The following PPIL4 variants were observed in gnomAD, a reference collection of about 807,000 sequenced individuals.
The protein encoded by PPIL4 is peptidylprolyl isomerase like 4.
PPIL4 carries 50 observed loss-of-function variants against 69.1 expected under a neutral mutation model. The observed-to-expected ratio is 0.72, with a 90% CI of 0.58 to 0.92. The LOEUF (loss-of-function observed/expected upper bound fraction) is 0.92, where lower values mean the gene tolerates loss of function less well. Among genes scored for constraint, PPIL4 ranks in the 40% least tolerant of loss-of-function variants. The pLI, the probability that PPIL4 is intolerant of heterozygous loss-of-function variation, is 0.00. For synonymous variants in PPIL4, 193 were observed against 191.6 expected (o/e 1.01, Z -0.06); for missense variants, 480 against 587.9 (o/e 0.82, Z 1.90).
intron 7 of PPIL4, 57 bp downstream of exon 7, chr6:149,533,401 T>G: frequency 1.1e-6 from 1 of 921,138 alleles, no homozygotes; most frequent in Non-Finnish European, 1.7e-6. Flanking sequence ...AAATAAACAC[T>G]CAGTAAGTAT....
At position 149,520,863 on chromosome 6, in the gene PPIL4, A is replaced by G. The variant is rs530085410; in HGVS notation, c.982+197T>C. ...CCCCATCTCTACTAAAAATACAAAA[A>G]TTAGCTGGGCATGGTGGCACATGCT... On this transcript the variant is annotated intron_variant, in intron 10 of 12. Coordinates refer to ENST00000253329, the MANE Select transcript of PPIL4 (RefSeq NM_139126.4). Among the ~76,000 whole-genome samples, 8 of 152,148 alleles carry G rather than the reference A, an allele frequency of 5.3e-5. No homozygotes were observed. The East Asian group carries it at 1.5e-3, about 29-fold the overall frequency.
At chr6:149,537,869 G>A (rs1562262288) in intron 4 of PPIL4, among the ~76,000 whole-genome samples, 1 of 152,170 alleles carries the variant, frequency 6.6e-6, no homozygotes, top group Non-Finnish European at 1.5e-5. Flanking sequence ...AAATATGACT[G>A]CTCTTTTAAT....
chr6:149,540,882 G>T, intron 4 of PPIL4, 60 bp downstream of exon 4: 1 of 1,032,826 alleles, frequency 9.7e-7, no homozygotes. Context: ...AAATAACTCT[G>T]TGGGCTCCTT....
At chr6:149,539,003 C>G (rs888698038) in intron 4 of PPIL4, among the ~76,000 whole-genome samples, 1 of 152,224 alleles carries the variant, frequency 6.6e-6, no homozygotes, top group Non-Finnish European at 1.5e-5. Flanking sequence ...CCTGCCACCA[C>G]GCCGAGCTAA....
rs1583211281 is a variant in PPIL4, at chr6:149,534,779, C to T, written c.465-5G>A. 2.8e-6 allele frequency: 4 copies of T among 1,429,730 alleles called. No homozygotes were observed. The highest frequency in any genetic ancestry group is 1.4e-5 in the African/African-American group (1 of 70,110). The allele number at this position is 1,429,730 out of a possible 1,614,324, so 88.6% of individuals were successfully genotyped here. A position where few individuals can be genotyped will look rare whatever the true frequency, so the allele number is the denominator to read the frequency against. ...AAAATCACCGTATGATTTATCCTTA[C>T]AAAATAAATCCAAATCAAATGTTAT... is the stretch of plus-strand genomic sequence containing the variant. On this transcript the variant is annotated splice_region_variant and splice_polypyrimidine_tract_variant and intron_variant, in intron 5 of 12. Coordinates refer to ENST00000253329, the MANE Select transcript of PPIL4 (RefSeq NM_139126.4).
chr6:149,516,766 T>C (rs941732031), intron 11 of PPIL4, among the ~76,000 whole-genome samples: 1 of 152,280 alleles, frequency 6.6e-6, no homozygotes, highest in South Asian at 2.1e-4. Context: ...TAAATATTTG[T>C]TGTTGAAATT....
intron 7 of PPIL4, among the ~76,000 whole-genome samples, chr6:149,530,660 G>GA (rs147953629): frequency 3.8e-4 from 47 of 124,498 alleles, no homozygotes; most frequent in Admixed American, 5.8e-4. Flanking sequence ...CTCCATCTCG[G>GA]AAAAAAAAAA....
chr6:149,540,313 AAAGT>A (rs1377547186), intron 4 of PPIL4, among the ~76,000 whole-genome samples: 1 of 151,888 alleles, frequency 6.6e-6, no homozygotes, highest in Admixed American at 6.6e-5. Context: ...TGTTTTTAAA[AAAGT>A]AAGAAATACT....
chr6:149,530,110 C>T (rs1175737985), intron 7 of PPIL4, among the ~76,000 whole-genome samples: 1 of 152,008 alleles, frequency 6.6e-6, no homozygotes, highest in African/African-American at 2.4e-5. Context: ...ACCGAATGTA[C>T]AACACAAAGC....
In PPIL4 at chr6:149,526,660, T is replaced by C. The variant is rs1405579340; in HGVS notation, c.795A>G (p.Pro265=). The C allele has an allele frequency of 6.2e-7, 1 of 1,608,922 alleles. No homozygotes were observed. Among genetic ancestry groups the C allele is most frequent in the Admixed American group, 1.7e-5 (1 of 59,498 alleles). The part of the protein sequence containing the change: ...DLEIIFSRFG[P]IRSCEVIRDW... ...CTAATTCTAAGGATTACCTTCTTAT[T>C]GGCCCAAATCTAGAGAATATTATTT... is the stretch of plus-strand genomic sequence containing the variant. Residue 265 remains proline, a synonymous_variant, in exon 8 of 13, where the codon CCA becomes CCG. Coordinates refer to ENST00000253329, the MANE Select transcript of PPIL4 (RefSeq NM_139126.4).
chr6:149,521,433 T>G (rs139122960), intron 9 of PPIL4, among the ~76,000 whole-genome samples: 252 of 152,316 alleles, frequency 1.7e-3, no homozygotes, highest in African/African-American at 5.7e-3. Flanking sequence ...GCCAGGATTT[T>G]AGAGAGACAG....
At position 149,526,635 on chromosome 6, in the gene PPIL4, C is replaced by T. The variant is rs145395733; in HGVS notation, c.803+17G>A. On this transcript the variant is annotated intron_variant, in intron 8 of 12. Transcript: ENST00000253329. ...CTAGTTTTTCTAAATATCTCTTTCACTAATTCTAAGGATTACCTTCTTATT... is the reference window on the plus strand; with the variant it reads ...CTAGTTTTTCTAAATATCTCTTTCATTAATTCTAAGGATTACCTTCTTATT... The T allele has an allele frequency of 1.1e-3, 1,696 of 1,593,114 alleles. 17 individuals are homozygous for T. The African/African-American group carries it at 0.019, about 18-fold the overall frequency.
In PPIL4 at chr6:149,535,588, A is replaced by T; in HGVS notation, c.464+8T>A. On this transcript the variant is annotated splice_region_variant and intron_variant, in intron 5 of 12. Coordinates refer to ENST00000253329, the MANE Select transcript of PPIL4 (RefSeq NM_139126.4). ...CTAGTACATTCAGATAGCAAATTGT[A>T]ACCATACCTGATATCCTGATATGGT... 6.2e-7 allele frequency: 1 copy of T among 1,606,498 alleles called. No homozygotes were observed. The highest frequency in any genetic ancestry group is 2.2e-5 in the East Asian group (1 of 44,798).
intron 3 of PPIL4, 26 bp downstream of exon 3, chr6:149,541,334 TAAATAAA>T (rs1777358364): frequency 6.6e-6 from 6 of 906,780 alleles, no homozygotes; most frequent in Non-Finnish European, 9.0e-6. Context: ...AATAAATAAA[TAAATAAA>T]TAAATAAATA....
At chr6:149,537,531 C>A (rs1034302828) in intron 4 of PPIL4, among the ~76,000 whole-genome samples, 1 of 152,004 alleles carries the variant, frequency 6.6e-6, no homozygotes, top group Non-Finnish European at 1.5e-5. Context: ...CACGGTGAAA[C>A]CCCGTCTCTA....
intron 4 of PPIL4, among the ~76,000 whole-genome samples, chr6:149,536,205 C>G (rs1363054152): frequency 1.3e-5 from 2 of 152,156 alleles, no homozygotes; most frequent in Non-Finnish European, 2.9e-5. Context: ...TCTGACTACT[C>G]CACCAACCAG....
chr6:149,506,220 T>C (rs971788339), intron 12 of PPIL4, among the ~76,000 whole-genome samples: 1 of 152,216 alleles, frequency 6.6e-6, no homozygotes, highest in Non-Finnish European at 1.5e-5. Flanking sequence ...GGCTCACGTC[T>C]GTAATCCCAG....
intron 7 of PPIL4, among the ~76,000 whole-genome samples, chr6:149,529,964 A>G (rs1398783913): frequency 1.3e-5 from 2 of 152,144 alleles, no homozygotes; most frequent in Non-Finnish European, 2.9e-5. Flanking sequence ...AGACAGTAAA[A>G]ACATCAGTAG....
At chr6:149,542,249 TTA>T (rs1247841871) in intron 1 of PPIL4, among the ~76,000 whole-genome samples, 2 of 152,098 alleles carry the variant, frequency 1.3e-5, no homozygotes, top group African/African-American at 4.8e-5. Context: ...TGGATACGGA[TTA>T]TATCAATTAG....
Sources: gnomAD v4.1 joint callset for allele counts (sites outside exome capture counted in the v4.1 genomes callset) on GRCh38, gnomAD v4.1.1 for gene constraint, MANE v1.5 for transcripts, NCBI Gene and HGNC (gene_info 2026-07-23, HGNC 2026-07-21) for gene names.